SPOCK3: variants seen among roughly 807,000 people sequenced by gnomAD.
SPOCK3 encodes the protein SPARC (osteonectin), cwcv and kazal like domains proteoglycan 3, also known as testican-3.
Under a neutral mutation model 56.6 loss-of-function variants are expected in SPOCK3, and 30 were observed. That is an observed-to-expected ratio of 0.53 (90% CI 0.40 to 0.72). The LOEUF is 0.72. Ranked by LOEUF, SPOCK3 falls within the 30% of genes least tolerant of loss-of-function variation. The probability of loss-of-function intolerance (pLI) is 0.00; values close to 1 mark genes in which losing one functional copy is unlikely to be tolerated. For missense variants in SPOCK3, 527 were observed against 530.0 expected, an observed-to-expected ratio of 0.99 and a Z score of 0.06; for synonymous variants, 196 against 183.3, an observed-to-expected ratio of 1.07 and a Z score of -0.56.
chr4:167,100,725 G>A (rs1485731987), intron 2 of SPOCK3, among the ~76,000 whole-genome samples: 1 of 152,076 alleles, frequency 6.6e-6, no homozygotes, highest in Non-Finnish European at 1.5e-5. Flanking sequence ...TTATTTAAAT[G>A]TTGGTTAATT....
intron 3 of SPOCK3, among the ~76,000 whole-genome samples, chr4:167,021,873 C>T (rs762542602): frequency 6.6e-6 from 1 of 151,980 alleles, no homozygotes; most frequent in Non-Finnish European, 1.5e-5. Flanking sequence ...AGAAAATGTA[C>T]ATTTTAACTA....
chr4:167,117,133 T>A (rs1761494829), intron 2 of SPOCK3, among the ~76,000 whole-genome samples: 1 of 151,644 alleles, frequency 6.6e-6, no homozygotes, highest in African/African-American at 2.4e-5. Flanking sequence ...GATCTTTCAA[T>A]TACCCAAATT....
At chr4:166,843,749 G>T (rs904981087) in intron 6 of SPOCK3, among the ~76,000 whole-genome samples, 5 of 152,100 alleles carry the variant, frequency 3.3e-5, no homozygotes, top group African/African-American at 1.2e-4. Flanking sequence ...CCACTAAGTC[G>T]TAATTTGTTA....
chr4:166,752,561 T>C (rs1267779964), intron 8 of SPOCK3, among the ~76,000 whole-genome samples: 10 of 27,862 alleles, frequency 3.6e-4, no homozygotes, highest in African/African-American at 1.5e-3. Flanking sequence ...TGTATATATA[T>C]ATATATATAT....
chr4:167,034,610 G>A (rs78096692), intron 3 of SPOCK3, among the ~76,000 whole-genome samples: 339 of 152,130 alleles, frequency 2.2e-3, no homozygotes, highest in Non-Finnish European at 3.4e-3. Flanking sequence ...ACCATAGCTC[G>A]TACATATGTA....
At chr4:167,111,878 C>T (rs1321194174) in intron 2 of SPOCK3, among the ~76,000 whole-genome samples, 1 of 151,966 alleles carries the variant, frequency 6.6e-6, no homozygotes, top group Non-Finnish European at 1.5e-5. Flanking sequence ...TCACCTCAGC[C>T]TCCCAAGTAG....
intron 2 of SPOCK3, among the ~76,000 whole-genome samples, chr4:167,182,363 T>A (rs1028083691): frequency 7.0e-6 from 1 of 143,812 alleles, no homozygotes; most frequent in African/African-American, 2.6e-5. Context: ...CATTTATATA[T>A]GAATAAAAGG....
At chr4:167,050,794 C>G (rs936793322) in intron 3 of SPOCK3, among the ~76,000 whole-genome samples, 1 of 152,030 alleles carries the variant, frequency 6.6e-6, no homozygotes, top group Non-Finnish European at 1.5e-5. Context: ...AAGTGAACCA[C>G]AAAAGGACAA....
chr4:167,112,503 C>T (rs1024802575), intron 2 of SPOCK3, among the ~76,000 whole-genome samples: 8 of 152,062 alleles, frequency 5.3e-5, no homozygotes, highest in Non-Finnish European at 8.8e-5. Context: ...AGATCCAGGA[C>T]TCTTGCAGGA....
At chr4:166,950,237 G>A (rs940940959) in intron 4 of SPOCK3, among the ~76,000 whole-genome samples, 2 of 151,726 alleles carry the variant, frequency 1.3e-5, no homozygotes, top group African/African-American at 2.4e-5. Flanking sequence ...AAGAATGCAG[G>A]AAGATCTACC....
At chr4:167,063,259 AAAGT>A (rs755090551) in intron 2 of SPOCK3, among the ~76,000 whole-genome samples, 1 of 151,866 alleles carries the variant, frequency 6.6e-6, no homozygotes, top group Non-Finnish European at 1.5e-5. Context: ...AGAATTTTTA[AAAGT>A]AAGGCCAAAT....
intron 4 of SPOCK3, among the ~76,000 whole-genome samples, chr4:166,970,485 A>G: frequency 6.6e-6 from 1 of 152,204 alleles, no homozygotes; most frequent in East Asian, 1.9e-4. Flanking sequence ...GCACTTTGGG[A>G]GGCTGAGGCG....
intron 3 of SPOCK3, among the ~76,000 whole-genome samples, chr4:167,038,993 C>T (rs1753010538): frequency 6.6e-6 from 1 of 152,078 alleles, no homozygotes. Flanking sequence ...TTAAAAAAAA[C>T]AGACATTTAT....
At chr4:166,900,585 C>T (rs138650312) in intron 5 of SPOCK3, among the ~76,000 whole-genome samples, 382 of 152,272 alleles carry the variant, frequency 2.5e-3, no homozygotes, top group Admixed American at 5.2e-3. Flanking sequence ...CTGCCCTGGT[C>T]GCTATGCCCT....
intron 5 of SPOCK3, among the ~76,000 whole-genome samples, chr4:166,911,172 T>C (rs1737224428): frequency 6.6e-6 from 1 of 152,184 alleles, no homozygotes; most frequent in Non-Finnish European, 1.5e-5. Context: ...TCCGCTTCTA[T>C]ATACATCTAT....
intron 6 of SPOCK3, among the ~76,000 whole-genome samples, chr4:166,856,400 C>A (rs1163443610): frequency 6.6e-6 from 1 of 152,092 alleles, no homozygotes; most frequent in Non-Finnish European, 1.5e-5. Flanking sequence ...CCAATTTGAT[C>A]ATTCTGTAAT....
chr4:166,921,631 T>C (rs1357664464), intron 4 of SPOCK3, among the ~76,000 whole-genome samples: 2 of 152,178 alleles, frequency 1.3e-5, no homozygotes, highest in Non-Finnish European at 2.9e-5. Flanking sequence ...TGACTCTTTA[T>C]TGGTATAACC....
At chr4:167,187,274 T>TG (rs1292495097) in intron 2 of SPOCK3, among the ~76,000 whole-genome samples, 2 of 151,752 alleles carry the variant, frequency 1.3e-5, no homozygotes, top group African/African-American at 2.4e-5. Context: ...GTTCCAGTTT[T>TG]TTTTTTTTTT....
intron 3 of SPOCK3, among the ~76,000 whole-genome samples, chr4:167,049,838 G>T (rs1283722643): frequency 1.3e-5 from 2 of 152,062 alleles, no homozygotes; most frequent in African/African-American, 4.8e-5. Flanking sequence ...CCCTTTAGCT[G>T]CCTGTGTTCA....
Sources: allele counts gnomAD v4.1 joint callset (sites outside exome capture counted in the v4.1 genomes callset), GRCh38; gene constraint gnomAD v4.1.1; transcripts MANE v1.5; gene names NCBI Gene and HGNC (gene_info 2026-07-23, HGNC 2026-07-21).